Variants in ST6GALNAC5 observed in about 807,000 individuals in gnomAD.
The protein encoded by ST6GALNAC5 is alpha-N-acetylgalactosaminide alpha-2,6-sialyltransferase 5.
Under a neutral mutation model 33.6 loss-of-function variants are expected in ST6GALNAC5, and 27 were observed. The observed-to-expected ratio is 0.80, with a 90% CI of 0.59 to 1.11. The LOEUF (loss-of-function observed/expected upper bound fraction) is 1.11, where lower values mean the gene tolerates loss of function less well. Among genes scored for constraint, ST6GALNAC5 ranks in the 50% least tolerant of loss-of-function variants. ST6GALNAC5 has a pLI of 0.00. For missense variants in ST6GALNAC5, 428 were observed against 454.0 expected (o/e 0.94, Z 0.52); for synonymous variants, 194 against 171.2 (o/e 1.13, Z -1.04).
chr1:76,893,317 A>G (rs1429532033), intron 2 of ST6GALNAC5, among the ~76,000 whole-genome samples: 1 of 152,222 alleles, frequency 6.6e-6, no homozygotes, highest in Non-Finnish European at 1.5e-5. Context: ...ATTGAGATAT[A>G]GAAGTGGTGT....
intron 2 of ST6GALNAC5, among the ~76,000 whole-genome samples, chr1:76,936,982 G>GTGTGTGTGTGTGTGTC (rs1245434141): frequency 6.6e-6 from 1 of 151,258 alleles, no homozygotes; most frequent in Non-Finnish European, 1.5e-5. Flanking sequence ...GTGTGTGTGT[G>GTGTGTGTGTGTGTGTC]TGTGTGTATG....
chr1:76,934,585 C>G (rs1647178352), intron 2 of ST6GALNAC5, among the ~76,000 whole-genome samples: 1 of 152,038 alleles, frequency 6.6e-6, no homozygotes, highest in Non-Finnish European at 1.5e-5. Context: ...ATAGCAATGC[C>G]TTTCTCAAAT....
intron 2 of ST6GALNAC5, among the ~76,000 whole-genome samples, chr1:76,985,698 A>T (rs1358433284): frequency 2.0e-5 from 3 of 152,342 alleles, no homozygotes; most frequent in Admixed American, 6.5e-5. Flanking sequence ...CGCATTGCCA[A>T]GTAAATCCTA....
At chr1:76,987,945 G>C (rs148140444) in intron 2 of ST6GALNAC5, among the ~76,000 whole-genome samples, 1 of 152,060 alleles carries the variant, frequency 6.6e-6, no homozygotes, top group South Asian at 2.1e-4. Context: ...AGTTTTCTTC[G>C]ATTAGTCCCT....
At chr1:76,941,338 G>A (rs889185692) in intron 2 of ST6GALNAC5, among the ~76,000 whole-genome samples, 10 of 152,164 alleles carry the variant, frequency 6.6e-5, no homozygotes, top group South Asian at 2.1e-4. Flanking sequence ...TTCTCCTGCT[G>A]AGGAGTTCAC....
chr1:76,869,946 T>C (rs1418873667), intron 2 of ST6GALNAC5, among the ~76,000 whole-genome samples: 1 of 152,150 alleles, frequency 6.6e-6, no homozygotes, highest in African/African-American at 2.4e-5. Context: ...ATGAGAACGA[T>C]GACTTCCCTG....
At chr1:77,022,524 C>G (rs1243695511) in intron 2 of ST6GALNAC5, among the ~76,000 whole-genome samples, 1 of 152,084 alleles carries the variant, frequency 6.6e-6, no homozygotes, top group Non-Finnish European at 1.5e-5. Flanking sequence ...TTTAAAGCAA[C>G]CTAGGCTAGA....
chr1:76,991,975 A>G (rs1649750393), intron 2 of ST6GALNAC5, among the ~76,000 whole-genome samples: 1 of 152,214 alleles, frequency 6.6e-6, no homozygotes, highest in South Asian at 2.1e-4. Flanking sequence ...TTTTTGGCAG[A>G]GAAATAAGTA....
intron 2 of ST6GALNAC5, among the ~76,000 whole-genome samples, chr1:76,976,476 G>A (rs1295655739): frequency 6.6e-6 from 1 of 152,030 alleles, no homozygotes; most frequent in Non-Finnish European, 1.5e-5. Context: ...CTCAGAAAAT[G>A]TTAAAAAATC....
intron 2 of ST6GALNAC5, among the ~76,000 whole-genome samples, chr1:76,913,980 G>A (rs532401035): frequency 1.2e-3 from 180 of 152,258 alleles, no homozygotes; most frequent in Non-Finnish European, 2.2e-3. Flanking sequence ...AAACTGATAA[G>A]CAACTTCAGC....
intron 2 of ST6GALNAC5, among the ~76,000 whole-genome samples, chr1:77,013,969 A>G (rs112769409): frequency 1.3e-5 from 2 of 152,350 alleles, no homozygotes; most frequent in East Asian, 1.9e-4. Context: ...GGGTAAAGTC[A>G]TAAGTAAAGG....
intron 2 of ST6GALNAC5, among the ~76,000 whole-genome samples, chr1:76,873,571 C>T (rs1570627075): frequency 6.6e-6 from 1 of 152,200 alleles, no homozygotes; most frequent in Middle Eastern, 3.4e-3. Flanking sequence ...TTTTTCTCTA[C>T]AAGAATCATC....
At chr1:76,869,911 T>A (rs1360658036) in intron 2 of ST6GALNAC5, among the ~76,000 whole-genome samples, 1 of 152,120 alleles carries the variant, frequency 6.6e-6, no homozygotes, top group Non-Finnish European at 1.5e-5. Flanking sequence ...ATGCTAGATA[T>A]GAACAGTACT....
chr1:76,882,081 G>A (rs1038439706), intron 2 of ST6GALNAC5, among the ~76,000 whole-genome samples: 1 of 152,090 alleles, frequency 6.6e-6, no homozygotes, highest in African/African-American at 2.4e-5. Flanking sequence ...TTATTGAAAA[G>A]GAATAAATAT....
chr1:76,986,124 A>G (rs1176310447), intron 2 of ST6GALNAC5, among the ~76,000 whole-genome samples: 3 of 152,200 alleles, frequency 2.0e-5, no homozygotes, highest in Non-Finnish European at 2.9e-5. Context: ...AAAACACCAA[A>G]AGTGATGGTA....
rs181790045 is a variant in ST6GALNAC5, at chr1:76,941,836, C to T, written c.261+73094C>T. On this transcript the variant is annotated intron_variant, in intron 2 of 4. Coordinates refer to ENST00000477717, the MANE Select transcript of ST6GALNAC5 (RefSeq NM_030965.3). ...GAACTGTGAGAGAATAGATTTCCCT[C>T]GTCTTAAGCCACCAGGTATGTGGCA... Among the ~76,000 whole-genome samples the T allele has an allele frequency of 8.9e-4, 136 of 152,194 alleles. 1 individual carries two copies. Among genetic ancestry groups the T allele is most frequent in the African/African-American group, 3.0e-3 (125 of 41,554 alleles).
At chr1:76,983,620 A>G (rs1004965196) in intron 2 of ST6GALNAC5, among the ~76,000 whole-genome samples, 5 of 152,196 alleles carry the variant, frequency 3.3e-5, no homozygotes, top group Non-Finnish European at 7.3e-5. Context: ...CAAGTTAACA[A>G]GGATATCCAG....
chr1:76,963,483 G>A (rs1648329805), intron 2 of ST6GALNAC5, among the ~76,000 whole-genome samples: 1 of 152,156 alleles, frequency 6.6e-6, no homozygotes, highest in Admixed American at 6.5e-5. Flanking sequence ...AGCAACATGG[G>A]GACTAAGGAA....
chr1:76,874,701 C>T (rs551155522), intron 2 of ST6GALNAC5, among the ~76,000 whole-genome samples: 1 of 152,140 alleles, frequency 6.6e-6, no homozygotes, highest in Non-Finnish European at 1.5e-5. Flanking sequence ...AAGGGTGGCT[C>T]TGCCTTCCCC....
Sources: allele counts gnomAD v4.1 joint callset (sites outside exome capture counted in the v4.1 genomes callset), GRCh38; gene constraint gnomAD v4.1.1; transcripts MANE v1.5; gene names NCBI Gene and HGNC (gene_info 2026-07-23, HGNC 2026-07-21).